The following BCL9 variants were observed in gnomAD, a reference collection of about 807,000 sequenced individuals.
BCL9 encodes the protein B-cell CLL/lymphoma 9 protein.
Under a neutral mutation model 88.5 loss-of-function variants are expected in BCL9, and 25 were observed. The observed-to-expected ratio is 0.28, with a 90% CI of 0.21 to 0.39. The LOEUF (loss-of-function observed/expected upper bound fraction) is 0.39. Ranked by LOEUF, BCL9 falls within the 10% of genes least tolerant of loss-of-function variation. The pLI is 1.00. For synonymous variants in BCL9, 711 were observed against 673.3 expected, an observed-to-expected ratio of 1.06 and a Z score of -0.87; for missense variants, 1,817 against 1,877.8, an observed-to-expected ratio of 0.97 and a Z score of 0.60.
chr1:147,581,621 A>G (rs1553198650), intron 1 of BCL9, among the ~76,000 whole-genome samples: 1 of 152,190 alleles, frequency 6.6e-6, no homozygotes, highest in Non-Finnish European at 1.5e-5. Flanking sequence ...CCCAAGCCAC[A>G]CTGTGCACAG....
intron 1 of BCL9, among the ~76,000 whole-genome samples, chr1:147,591,471 C>T (rs1424892215): frequency 6.6e-6 from 1 of 152,186 alleles, no homozygotes; most frequent in Non-Finnish European, 1.5e-5. Context: ...TATCTGGCTC[C>T]TCAACTGCAA....
At position 147,550,664 on chromosome 1, in the gene BCL9, G is replaced by A. The variant is rs587724750; in HGVS notation, c.-478+8990G>A. 3.3e-5 allele frequency among the ~76,000 whole-genome samples: 5 copies of A among 152,302 alleles called. No homozygotes were observed. The East Asian group carries it at 9.7e-4, about 29-fold the overall frequency. On this transcript the variant is annotated intron_variant, in intron 1 of 9. Transcript: ENST00000234739. ...ATAAATAGAAGCATTAAACTCCATA[G>A]GGAGCTTCAAAGCCTGTGCTTTCTT...
intron 1 of BCL9, among the ~76,000 whole-genome samples, chr1:147,552,866 G>A (rs1553194973): frequency 6.6e-6 from 1 of 152,118 alleles, no homozygotes; most frequent in African/African-American, 2.4e-5. Context: ...TGACCATATG[G>A]GACACTAGTG....
intron 1 of BCL9, among the ~76,000 whole-genome samples, chr1:147,583,027 A>C (rs1012999228): frequency 7.2e-5 from 11 of 152,194 alleles, no homozygotes; most frequent in Non-Finnish European, 1.5e-4. Context: ...AAATACAATT[A>C]ACTTAGCATT....
intron 1 of BCL9, among the ~76,000 whole-genome samples, chr1:147,552,405 C>T (rs368685603): frequency 5.3e-5 from 8 of 152,022 alleles, no homozygotes; most frequent in South Asian, 2.1e-4. Flanking sequence ...GTCAGGAGTT[C>T]GAGACCACCC....
At chr1:147,543,415 ATATT>A (rs1553193992) in intron 1 of BCL9, among the ~76,000 whole-genome samples, 1 of 152,216 alleles carries the variant, frequency 6.6e-6, no homozygotes, top group Non-Finnish European at 1.5e-5. Context: ...CTGGCTGAGA[ATATT>A]TATGTGCTTT....
chr1:147,608,909 C>G (rs1657864963), intron 3 of BCL9, among the ~76,000 whole-genome samples: 1 of 152,180 alleles, frequency 6.6e-6, no homozygotes, highest in Admixed American at 6.5e-5. Context: ...CCCACTACCA[C>G]TTACTAGGGT....
chr1:147,544,592 C>G (rs587686914), intron 1 of BCL9, among the ~76,000 whole-genome samples: 1 of 152,152 alleles, frequency 6.6e-6, no homozygotes, highest in East Asian at 1.9e-4. Flanking sequence ...CTGATTCCAT[C>G]GTTCTTCCAG....
rs1164706510 is a variant in BCL9 at position 147,619,068 on chromosome 1, C to T, written c.913C>T (p.Pro305Ser). Reference protein sequence around the residue: ...STPLPPDGTGPNSTPNNRAVT... With the variant: ...STPLPPDGTGSNSTPNNRAVT... ...TCCACTGCCCCCAGATGGTACTGGG[C>T]CCAACTCAACTCCCAACAATAGGGC... is the stretch of plus-strand genomic sequence containing the variant. Residue 305 changes from proline to serine, a missense_variant, in exon 8 of 10, where the codon CCC becomes TCC. Pro to Ser is a moderately conservative substitution (Grantham distance 74). This residue lies in a region of BCL9 where 1,228 missense variants were observed against 1,191.6 expected (regional missense o/e 1.03). Transcript: ENST00000234739. The surrounding 1 kb of genome is among the most constrained non-coding windows in gnomAD (Gnocchi z 4.1). 1.9e-6 allele frequency: 3 copies of T among 1,612,894 alleles called. No individual in the cohort carries two copies. Among genetic ancestry groups the T allele is most frequent in the African/African-American group, 2.7e-5 (2 of 74,874 alleles).
intron 1 of BCL9, among the ~76,000 whole-genome samples, chr1:147,580,359 G>C (rs1316038179): frequency 6.6e-6 from 1 of 152,172 alleles, no homozygotes; most frequent in Admixed American, 6.5e-5. Flanking sequence ...AACTAAAAGG[G>C]AGGAGTTGTG....
chr1:147,603,378 G>A (rs1300985153), intron 1 of BCL9, among the ~76,000 whole-genome samples: 1 of 152,174 alleles, frequency 6.6e-6, no homozygotes, highest in African/African-American at 2.4e-5. Flanking sequence ...AAATGTCTGA[G>A]GCCTTGGATG....
chr1:147,595,262 C>A (rs1389126246), intron 1 of BCL9, among the ~76,000 whole-genome samples: 1 of 152,188 alleles, frequency 6.6e-6, no homozygotes, highest in African/African-American at 2.4e-5. Flanking sequence ...TTAGAAATTT[C>A]CGTGGCCAGA....
chr1:147,601,970 G>A (rs958245727), intron 1 of BCL9, among the ~76,000 whole-genome samples: 5 of 152,152 alleles, frequency 3.3e-5, no homozygotes, highest in African/African-American at 9.6e-5. Context: ...GTGCAATATC[G>A]GCTCACTGCA....
chr1:147,558,766 T>C (rs1398376602), intron 1 of BCL9, among the ~76,000 whole-genome samples: 1 of 152,232 alleles, frequency 6.6e-6, no homozygotes, highest in African/African-American at 2.4e-5. Context: ...GCTACTATAC[T>C]GAATGCACTT....
intron 1 of BCL9, among the ~76,000 whole-genome samples, chr1:147,579,260 T>A (rs879990337): frequency 6.6e-6 from 1 of 152,202 alleles, no homozygotes; most frequent in African/African-American, 2.4e-5. Flanking sequence ...ATCCAAAAGA[T>A]GGAAGGAGAG....
At chr1:147,577,776 C>T (rs1656175088) in intron 1 of BCL9, among the ~76,000 whole-genome samples, 1 of 151,204 alleles carries the variant, frequency 6.6e-6, no homozygotes, top group Admixed American at 6.6e-5. Context: ...TCTGTCTTTG[C>T]CATTCTCCGA....
At chr1:147,611,461 A>T (rs1202144496) in intron 3 of BCL9, 117 bp from the exon 4 acceptor site, 4 of 261,164 alleles carry the variant, frequency 1.5e-5, no homozygotes, top group Non-Finnish European at 3.0e-5. Context: ...ATGGAAGTGG[A>T]GGCATGGTCT....
chr1:147,586,410 G>C (rs1656603711), intron 1 of BCL9, among the ~76,000 whole-genome samples: 1 of 152,130 alleles, frequency 6.6e-6, no homozygotes, highest in South Asian at 2.1e-4. Context: ...GTAAGGCTCT[G>C]ATAAATACCA....
intron 1 of BCL9, among the ~76,000 whole-genome samples, chr1:147,544,896 G>T (rs587767531): frequency 1.5e-4 from 23 of 151,840 alleles, no homozygotes; most frequent in Non-Finnish European, 2.6e-4. Flanking sequence ...ATAGTGTCTG[G>T]TTGAAATGCC....
Sources: gnomAD v4.1 joint callset for allele counts (sites outside exome capture counted in the v4.1 genomes callset) on GRCh38, gnomAD v4.1.1 for gene constraint, gnomAD v4.1.1 regional missense constraint, Gnocchi (gnomAD v3.1) non-coding constraint, MANE v1.5 for transcripts, NCBI Gene and HGNC (gene_info 2026-07-23, HGNC 2026-07-21) for gene names.